STEAP2: variants seen among roughly 807,000 people sequenced by gnomAD.
STEAP2 encodes the protein STEAP2 metalloreductase.
In STEAP2, 30 loss-of-function variants were observed where a neutral mutation model predicts 46.4. The ratio of observed to expected loss-of-function variants is 0.65; its 90% CI spans 0.48 to 0.88. The LOEUF is 0.88. Among genes scored for constraint, STEAP2 ranks in the 40% least tolerant of loss-of-function variants. The probability of loss-of-function intolerance (pLI) is 0.00; values close to 1 mark genes in which losing one functional copy is unlikely to be tolerated. For missense variants in STEAP2, 513 were observed against 579.3 expected (o/e 0.89, Z 1.18); for synonymous variants, 180 against 200.5 (o/e 0.90, Z 0.86).
rs1160313198 is a variant in STEAP2 at position 90,235,745 on chromosome 7, T to C, written c.*3121T>C. On this transcript the variant is annotated 3_prime_UTR_variant, in exon 6 of 6. Transcript: ENST00000394621. The stretch of plus-strand genomic sequence containing the variant: ...GAGTATTTAAAATCATATTTAAATA[T>C]GAATCTATTCATGCTAACATTATTT... 1.3e-6 allele frequency: 1 copy of C among 783,550 alleles called. No individual in the cohort carries two copies. The highest frequency in any genetic ancestry group is 1.3e-4 in the East Asian group (1 of 7,866). 48.5% of individuals were successfully genotyped at this position (783,550 alleles called of 1,614,324 possible).
intron 1 of STEAP2, chr7:90,212,466 C>G (rs1021261427): frequency 5.3e-5 from 8 of 152,342 alleles, no homozygotes; most frequent in African/African-American, 1.9e-4. Context: ...ACAGGTATTT[C>G]TAGCAGTCAT....
downstream of STEAP2, among the ~76,000 whole-genome samples, chr7:90,239,294 G>A (rs561463710): frequency 4.6e-5 from 7 of 152,204 alleles, no homozygotes; most frequent in South Asian, 4.2e-4. Context: ...GGGAGAAGAC[G>A]GCATGCCAAG....
chr7:90,219,601 G>A (rs148858293), intron 2 of STEAP2, among the ~76,000 whole-genome samples: 1 of 152,026 alleles, frequency 6.6e-6, no homozygotes, highest in Non-Finnish European at 1.5e-5. Flanking sequence ...TTGTTGATTT[G>A]CATATGTTGA....
intron 2 of STEAP2, among the ~76,000 whole-genome samples, chr7:90,222,883 T>C (rs572548641): frequency 3.2e-4 from 49 of 152,120 alleles, no homozygotes; most frequent in Non-Finnish European, 6.3e-4. Context: ...GCCTGTAAAG[T>C]CCATTAAATC....
At chr7:90,231,752 A>G (rs1226433937) in intron 5 of STEAP2, among the ~76,000 whole-genome samples, 1 of 152,092 alleles carries the variant, frequency 6.6e-6, no homozygotes, top group African/African-American at 2.4e-5. Context: ...ACACACATAC[A>G]TACACATTTC....
At chr7:90,227,612 G>A (rs1228152661) in intron 4 of STEAP2, 114 bp downstream of exon 4, 4 of 1,021,212 alleles carry the variant, frequency 3.9e-6, no homozygotes, top group Non-Finnish European at 5.3e-6. Flanking sequence ...TTGGTATACT[G>A]CGGGAGGGGA....
rs1268548373 is a variant in STEAP2, at chr7:90,225,387, G to A, written c.305G>A (p.Trp102Ter). The A allele has an allele frequency of 1.2e-6, 2 of 1,613,782 alleles. No homozygotes were observed. The highest frequency in any genetic ancestry group is 1.7e-6 in the Non-Finnish European group (2 of 1,179,904). Residue 102 changes from tryptophan (W) to a stop codon, truncating the protein, a stop_gained, in exon 3 of 6, where the codon TGG (tryptophan) becomes TAG (stop). Coordinates refer to ENST00000394621, the MANE Select transcript of STEAP2 (RefSeq NM_001244944.2). LOFTEE classifies it high-confidence loss of function. ...CACAGAGAACATTATACCTCCCTGT[G>A]GGACCTGAGACATCTGCTTGTGGGT... Reference protein sequence around the residue: ...AIHREHYTSLWDLRHLLVGKI... With the variant: ...AIHREHYTSL
chr7:90,223,113 T>C (rs1340544966), intron 2 of STEAP2, among the ~76,000 whole-genome samples: 1 of 152,180 alleles, frequency 6.6e-6, no homozygotes, highest in African/African-American at 2.4e-5. Context: ...TGCATCATAG[T>C]TTATGCAGCC....
Position 90,224,562 on chromosome 7 carries a change from C to T in STEAP2, c.-33-488C>T, listed in dbSNP as rs940095140. Among the ~76,000 whole-genome samples the T allele has an allele frequency of 5.3e-5, 8 of 152,304 alleles. No individual in the cohort carries two copies. In the South Asian group the frequency reaches 1.2e-3, roughly 24 times the overall value. ...ACGTTGCTGTTTAACACCACCAGCT[C>T]GCCCTTGAATTCTTTCCCATGCAAA... On this transcript the variant is annotated intron_variant, in intron 2 of 5. Coordinates refer to ENST00000394621, the MANE Select transcript of STEAP2 (RefSeq NM_001244944.2).
At chr7:90,241,818 G>A (rs194534), downstream of STEAP2, among the ~76,000 whole-genome samples, 131,127 of 152,212 alleles carry the variant, frequency 0.86, 56,736 homozygotes, top group East Asian at 1. Context: ...GTACAAAAAC[G>A]GAATGACAGA....
At chr7:90,238,117 T>C, downstream of STEAP2, 2 of 715,078 alleles carry the variant, frequency 2.8e-6, no homozygotes, top group Non-Finnish European at 5.2e-6. Flanking sequence ...CGCTACCCTG[T>C]TGTCCTAAAG....
intron 2 of STEAP2, among the ~76,000 whole-genome samples, chr7:90,224,202 G>A (rs1483281568): frequency 6.6e-6 from 1 of 152,084 alleles, no homozygotes. Flanking sequence ...GAATCCAGAG[G>A]CAAGGTTCAG....
intron 2 of STEAP2, among the ~76,000 whole-genome samples, chr7:90,220,734 C>T (rs1199741058): frequency 1.3e-5 from 2 of 151,946 alleles, no homozygotes; most frequent in East Asian, 3.9e-4. Flanking sequence ...TATTTGAAAT[C>T]GTAATGATTT....
downstream of STEAP2, chr7:90,237,980 GA>G (rs1356837505): frequency 8.2e-5 from 57 of 695,816 alleles, no homozygotes; most frequent in Admixed American, 6.2e-5. Context: ...GGATACTAAA[GA>G]GATATTATAA....
At chr7:90,239,349 T>G (rs988520391), downstream of STEAP2, among the ~76,000 whole-genome samples, 8 of 152,332 alleles carry the variant, frequency 5.3e-5, no homozygotes, top group African/African-American at 1.7e-4. Flanking sequence ...CACCTTAGTC[T>G]TCAACTTCTA....
chr7:90,239,562 G>A (rs1056777920), downstream of STEAP2, among the ~76,000 whole-genome samples: 30 of 152,090 alleles, frequency 2.0e-4, no homozygotes, highest in Non-Finnish European at 3.2e-4. Flanking sequence ...CTATCCTGGG[G>A]TTATTGCACT....
In STEAP2 at chr7:90,236,133, C is replaced by A. The variant is rs1039766357; in HGVS notation, c.*3509C>A. 28 of 677,748 alleles carry A rather than the reference C, an allele frequency of 4.1e-5. No homozygotes were observed. The highest frequency in any genetic ancestry group is 1.8e-5 in the Non-Finnish European group (10 of 550,564). The allele number at this position is 677,748 out of a possible 1,614,324, so 42.0% of individuals were successfully genotyped here. On this transcript the variant is annotated 3_prime_UTR_variant, in exon 6 of 6. Transcript: ENST00000394621. ...ATATCTCCTATCTGATAACTTAATT[C>A]TTCTAAATTACCACTTGCCATTAAG...
rs892612611 is a variant in STEAP2, at chr7:90,234,420, A to T, written c.*1796A>T. The T allele has an allele frequency of 1.0e-6, 1 of 985,172 alleles. No individual in the cohort carries two copies. Among genetic ancestry groups the T allele is most frequent in the Non-Finnish European group, 1.2e-6 (1 of 829,758 alleles). The allele number at this position is 985,172 out of a possible 1,614,324, so 61.0% of individuals were successfully genotyped here. On this transcript the variant is annotated 3_prime_UTR_variant, in exon 6 of 6. Transcript: ENST00000394621. ...CTGAATCCAACTGCCAACAATAAAA[A>T]GACTTTTATTTAGTAGAGGCTACCT...
intron 3 of STEAP2, 73 bp from the exon 4 acceptor site, chr7:90,226,897 TA>T: frequency 1.4e-6 from 2 of 1,440,186 alleles, no homozygotes; most frequent in Non-Finnish European, 1.9e-6. Context: ...TGATGGTCCG[TA>T]AGTGGAGCAT....
Sources: gnomAD v4.1 joint callset for allele counts (sites outside exome capture counted in the v4.1 genomes callset) on GRCh38, gnomAD v4.1.1 for gene constraint, MANE v1.5 for transcripts, NCBI Gene and HGNC (gene_info 2026-07-23, HGNC 2026-07-21) for gene names.